Variants in FBXO25 observed in about 807,000 individuals in gnomAD.
FBXO25 encodes the protein F-box only protein 25.
A neutral mutation model predicts 51.9 loss-of-function variants in FBXO25; 45 were observed. That is an observed-to-expected ratio of 0.87 (90% CI 0.68 to 1.11). FBXO25 has a LOEUF of 1.11. Among genes scored for constraint, FBXO25 ranks in the 50% most tolerant of loss-of-function variants. The probability of loss-of-function intolerance (pLI) is 0.00; values close to 1 mark genes in which losing one functional copy is unlikely to be tolerated. For synonymous variants in FBXO25, 199 were observed against 151.0 expected (o/e 1.32, Z -2.33); for missense variants, 507 against 428.5 (o/e 1.18, Z -1.62).
intron 1 of FBXO25, among the ~76,000 whole-genome samples, chr8:409,258 ACTT>A (rs1385084046): frequency 6.6e-6 from 1 of 152,160 alleles, no homozygotes; most frequent in Non-Finnish European, 1.5e-5. Context: ...TTTAAGAAAA[ACTT>A]CATTGTGATC....
At chr8:449,468 T>A (rs1397465139) in intron 5 of FBXO25, among the ~76,000 whole-genome samples, 1 of 152,250 alleles carries the variant, frequency 6.6e-6, no homozygotes, top group African/African-American at 2.4e-5. Flanking sequence ...TGCTATTTAA[T>A]AATGAGTTTT....
intron 9 of FBXO25, among the ~76,000 whole-genome samples, chr8:466,471 G>C (rs1420288223): frequency 6.6e-6 from 1 of 152,186 alleles, no homozygotes; most frequent in Non-Finnish European, 1.5e-5. Flanking sequence ...GTCACTGCTT[G>C]TTCTTTGTTT....
At chr8:435,835 C>G in intron 5 of FBXO25, 128 bp downstream of exon 5, 1 of 1,359,368 alleles carries the variant, frequency 7.4e-7, no homozygotes, top group Non-Finnish European at 9.8e-7. Flanking sequence ...GCGTATTAAT[C>G]AAAAAACAGA....
intron 5 of FBXO25, among the ~76,000 whole-genome samples, chr8:444,970 A>G (rs1798647176): frequency 6.6e-6 from 1 of 152,208 alleles, no homozygotes; most frequent in Non-Finnish European, 1.5e-5. Flanking sequence ...TGTATAAAAA[A>G]CTTCCTACAA....
Position 469,039 on chromosome 8 carries a change from A to G in FBXO25, c.*235A>G, listed in dbSNP as rs547328409. On this transcript the variant is annotated 3_prime_UTR_variant, in exon 10 of 10. Coordinates refer to ENST00000350302, the MANE Select transcript of FBXO25 (RefSeq NM_183420.2). ...AAAAACTCCTTCTAAGCATATTAAAATGTGAAATTTTGCGTACTCTCTCTC... is the reference window on the plus strand; with the variant it reads ...AAAAACTCCTTCTAAGCATATTAAAGTGTGAAATTTTGCGTACTCTCTCTC... 4.6e-5 allele frequency: 22 copies of G among 480,438 alleles called. No individual in the cohort carries two copies. The South Asian group carries it at 7.4e-4, about 16-fold the overall frequency. 29.8% of individuals were successfully genotyped at this position (480,438 alleles called of 1,614,324 possible). A position where few individuals can be genotyped will look rare whatever the true frequency, so the allele number is the denominator to read the frequency against.
chr8:438,256 G>A (rs1042245007), intron 5 of FBXO25, among the ~76,000 whole-genome samples: 10 of 151,888 alleles, frequency 6.6e-5, no homozygotes, highest in African/African-American at 2.2e-4. Context: ...ATGGGGTTTC[G>A]CCATTTTGGC....
chr8:477,776 C>G lies in FBXO25; in HGVS notation c.*8972C>G, dbSNP rs1800686383. 1 of 152,274 alleles carries G rather than the reference C, an allele frequency of 6.6e-6. No homozygotes were observed. Among genetic ancestry groups the G allele is most frequent in the Non-Finnish European group, 1.5e-5 (1 of 68,054 alleles). 9.4% of individuals were successfully genotyped at this position (152,274 alleles called of 1,614,324 possible). On this transcript the variant is annotated 3_prime_UTR_variant, in exon 10 of 10. Transcript: ENST00000350302. ...TTTGGACAATAAAATCTGAATTTCA[C>G]ATACTTTTCTTATGTCATTAGATAT...
chr8:466,083 G>C (rs184959721), intron 9 of FBXO25, among the ~76,000 whole-genome samples: 21 of 152,318 alleles, frequency 1.4e-4, no homozygotes, highest in African/African-American at 4.6e-4. Context: ...TCCCATCACA[G>C]CTTCTCCCAC....
intron 5 of FBXO25, among the ~76,000 whole-genome samples, chr8:448,084 G>A (rs527363252): frequency 6.6e-6 from 1 of 152,286 alleles, no homozygotes; most frequent in East Asian, 1.9e-4. Flanking sequence ...AGTTTAAAAG[G>A]AACTAGAAAG....
At chr8:455,020 C>T (rs1799338179) in intron 7 of FBXO25, among the ~76,000 whole-genome samples, 1 of 152,192 alleles carries the variant, frequency 6.6e-6, no homozygotes, top group African/African-American at 2.4e-5. Flanking sequence ...CAGCTTCCCA[C>T]TATGACTGAC....
Position 472,204 on chromosome 8 carries a change from C to T in FBXO25, c.*3400C>T, listed in dbSNP as rs941915462. On this transcript the variant is annotated 3_prime_UTR_variant, in exon 10 of 10. Coordinates refer to ENST00000350302, the MANE Select transcript of FBXO25 (RefSeq NM_183420.2). ...ACTATGATGTTAACCCTGGGTTTTCCATACATACCCTCTATTAGGTTGGGG... is the reference window on the plus strand; with the variant it reads ...ACTATGATGTTAACCCTGGGTTTTCTATACATACCCTCTATTAGGTTGGGG... The T allele has an allele frequency of 1.3e-5, 2 of 152,156 alleles. No homozygotes were observed. The highest frequency in any genetic ancestry group is 4.8e-5 in the African/African-American group (2 of 41,430). 9.4% of individuals were successfully genotyped at this position (152,156 alleles called of 1,614,324 possible). A position where few individuals can be genotyped will look rare whatever the true frequency, so the allele number is the denominator to read the frequency against.
intron 1 of FBXO25, among the ~76,000 whole-genome samples, chr8:409,015 G>C (rs917255369): frequency 6.6e-5 from 10 of 152,074 alleles, no homozygotes; most frequent in African/African-American, 2.4e-4. Context: ...ACATTTTTTA[G>C]CTGAACAAAT....
chr8:418,193 GT>G (rs1441292354), intron 2 of FBXO25, among the ~76,000 whole-genome samples: 1 of 152,072 alleles, frequency 6.6e-6, no homozygotes, highest in Non-Finnish European at 1.5e-5. Context: ...TGCCATCTGC[GT>G]TTTGGGGACA....
intron 5 of FBXO25, among the ~76,000 whole-genome samples, chr8:439,846 TA>T (rs1376581272): frequency 6.6e-6 from 1 of 152,222 alleles, no homozygotes; most frequent in Non-Finnish European, 1.5e-5. Context: ...GGCAGGAGGA[TA>T]ACTTGAGCCC....
chr8:425,220 A>G (rs984944650), intron 2 of FBXO25, among the ~76,000 whole-genome samples: 13 of 151,386 alleles, frequency 8.6e-5, no homozygotes, highest in African/African-American at 3.2e-4. Context: ...CCATTTCCCT[A>G]ATCTTTATAG....
At chr8:408,429 G>T (rs1037691965) in intron 1 of FBXO25, among the ~76,000 whole-genome samples, 6 of 152,180 alleles carry the variant, frequency 3.9e-5, no homozygotes, top group Non-Finnish European at 8.8e-5. Flanking sequence ...ATGGATCCTG[G>T]AGTGAGACTC....
intron 2 of FBXO25, among the ~76,000 whole-genome samples, chr8:414,455 C>G (rs2117436058): frequency 6.6e-6 from 1 of 152,228 alleles, no homozygotes; most frequent in East Asian, 1.9e-4. Context: ...AGATATATTA[C>G]AGAATGTCAA....
rs187881082 is a variant in FBXO25, at chr8:471,766, C to T, written c.*2962C>T. ...ATTGGAAAGCCATGCAGTAGCCTCT[C>T]AGGAGCAGACCGATTTGTAGCTGTC... On this transcript the variant is annotated 3_prime_UTR_variant, in exon 10 of 10. Transcript: ENST00000350302. 1 of 152,336 alleles carries T rather than the reference C, an allele frequency of 6.6e-6. No individual in the cohort carries two copies. The highest frequency in any genetic ancestry group is 6.5e-5 in the Admixed American group (1 of 15,306). The allele number at this position is 152,336 out of a possible 1,614,324, so 9.4% of individuals were successfully genotyped here.
chr8:432,340 C>G (rs990498897), intron 3 of FBXO25, among the ~76,000 whole-genome samples: 3 of 152,136 alleles, frequency 2.0e-5, no homozygotes, highest in East Asian at 3.9e-4. Flanking sequence ...CAATTTAAAA[C>G]TTATGAATGG....
Sources: allele counts gnomAD v4.1 joint callset (sites outside exome capture counted in the v4.1 genomes callset), GRCh38; gene constraint gnomAD v4.1.1; transcripts MANE v1.5; gene names NCBI Gene and HGNC (gene_info 2026-07-23, HGNC 2026-07-21).